Variants in GLS2 observed in about 807,000 individuals in gnomAD.
GLS2 encodes glutaminase 2.
Under a neutral mutation model 79.0 loss-of-function variants are expected in GLS2, and 52 were observed. That is an observed-to-expected ratio of 0.66 (90% CI 0.53 to 0.83). The LOEUF (loss-of-function observed/expected upper bound fraction) is 0.83, where lower values mean the gene tolerates loss of function less well. Ranked by LOEUF, GLS2 falls within the 40% of genes least tolerant of loss-of-function variation. The probability of loss-of-function intolerance (pLI) is 0.00; values close to 1 mark genes in which losing one functional copy is unlikely to be tolerated. For missense variants in GLS2, 561 were observed against 764.8 expected (o/e 0.73, Z 3.14); for synonymous variants, 238 against 280.8 (o/e 0.85, Z 1.52).
At position 56,474,608 on chromosome 12, in the gene GLS2, C is replaced by T. The variant is rs778954931; in HGVS notation, c.1160G>A (p.Arg387His). The T allele has an allele frequency of 5.0e-6, 8 of 1,614,160 alleles. No individual in the cohort carries two copies. Among genetic ancestry groups the T allele is most frequent in the South Asian group, 3.3e-5 (3 of 91,086 alleles). Residue 387 changes from arginine to histidine, a missense_variant, in exon 12 of 18, where the codon CGC becomes CAC. Arg to His is a conservative substitution (Grantham distance 29). Around this residue, in one of 4 missense-constraint regions of GLS2, gnomAD observed 221 missense variants for 275.6 expected, o/e 0.80. Transcript: ENST00000311966. ...GGAATGCATGAGGCTGAGGGTGTTG[C>T]GCACTGCTTCAGCACTCAGCACACT... is the stretch of plus-strand genomic sequence containing the variant. ...GESVLSAEAV[R>H]NTLSLMHSCG...
intron 3 of GLS2, 151 bp downstream of exon 3, chr12:56,479,629 T>TA: frequency 1.1e-6 from 1 of 908,604 alleles, no homozygotes; most frequent in Middle Eastern, 3.6e-4. Flanking sequence ...TTTGAACTCT[T>TA]ATGATGAGTA....
At chr12:56,473,436 G>C in intron 13 of GLS2, 27 bp downstream of exon 13, 1 of 1,605,462 alleles carries the variant, frequency 6.2e-7, no homozygotes, top group Non-Finnish European at 8.5e-7. Context: ...TTCAAAAATA[G>C]TAAGTACTAT....
At chr12:56,483,247 A>C (rs1187036020) in intron 1 of GLS2, among the ~76,000 whole-genome samples, 1 of 150,456 alleles carries the variant, frequency 6.6e-6, no homozygotes, top group Non-Finnish European at 1.5e-5. Context: ...CGCCCAGCTA[A>C]TTTTTGTATT....
intron 1 of GLS2, among the ~76,000 whole-genome samples, chr12:56,480,705 G>A (rs960937406): frequency 2.0e-5 from 3 of 151,958 alleles, no homozygotes; most frequent in African/African-American, 7.3e-5. Flanking sequence ...TTCTCCTCTT[G>A]TTTCCCACCT....
At chr12:56,472,087 CCCT>C in intron 16 of GLS2, 29 bp downstream of exon 16, 6 of 1,606,494 alleles carry the variant, frequency 3.7e-6, no homozygotes, top group Non-Finnish European at 5.1e-6. Context: ...CTTATGATTA[CCCT>C]CCTCCTCCCC....
At position 56,471,436 on chromosome 12, in the gene GLS2, G is replaced by A; in HGVS notation, c.*51C>T. The A allele has an allele frequency of 6.4e-7, 1 of 1,557,082 alleles. No individual in the cohort carries two copies. The highest frequency in any genetic ancestry group is 8.7e-7 in the Non-Finnish European group (1 of 1,150,162). ...TATTTTTGGTGGTTATGGATTACATGTGTGGCCAGCTCATGCTTTTTCTTG... is the reference window on the plus strand; with the variant it reads ...TATTTTTGGTGGTTATGGATTACATATGTGGCCAGCTCATGCTTTTTCTTG... On this transcript the variant is annotated 3_prime_UTR_variant, in exon 18 of 18. Transcript: ENST00000311966.
intron 1 of GLS2, among the ~76,000 whole-genome samples, chr12:56,485,020 T>C (rs1870573200): frequency 6.6e-6 from 1 of 152,160 alleles, no homozygotes; most frequent in African/African-American, 2.4e-5. Context: ...AGACTGGTTA[T>C]ATAAACTATG....
At chr12:56,484,044 G>A (rs1870501441) in intron 1 of GLS2, among the ~76,000 whole-genome samples, 2 of 152,108 alleles carry the variant, frequency 1.3e-5, no homozygotes, top group Non-Finnish European at 2.9e-5. Context: ...GCCTAAGGTG[G>A]GCGGATCATG....
rs539551301 is a variant in GLS2 at position 56,479,507 on chromosome 12, A to C, written c.404+273T>G. On this transcript the variant is annotated intron_variant, in intron 3 of 17. Transcript: ENST00000311966. The stretch of plus-strand genomic sequence containing the variant: ...TTATATATATTCATGTATGTATGTC[A>C]GTACATAGGACATTATCTAGAAGAT... The C allele has an allele frequency of 8.9e-5, 36 of 403,072 alleles. No individual in the cohort carries two copies. The East Asian group carries it at 1.5e-3, about 17-fold the overall frequency. 25.0% of individuals were successfully genotyped at this position (403,072 alleles called of 1,614,324 possible).
At position 56,477,918 on chromosome 12, in the gene GLS2, C is replaced by T; in HGVS notation, c.778+15G>A. 1 of 1,609,402 alleles carries T rather than the reference C, an allele frequency of 6.2e-7. No homozygotes were observed. Among genetic ancestry groups the T allele is most frequent in the Non-Finnish European group, 8.5e-7 (1 of 1,177,426 alleles). ...GGACAGCTGTAAGTACGGTCTGAGC[C>T]TTGGTAGTGCTCACCTTCCTCATTG... On this transcript the variant is annotated intron_variant, in intron 6 of 17. Transcript: ENST00000311966.
chr12:56,477,901 G>A lies in GLS2; in HGVS notation c.778+32C>T. 3.1e-6 allele frequency: 5 copies of A among 1,600,834 alleles called. No individual in the cohort carries two copies. The East Asian group carries it at 6.7e-5, about 21-fold the overall frequency. ...TGGGGATAAGGAGAAGGGGACAGCT[G>A]TAAGTACGGTCTGAGCCTTGGTAGT... is the stretch of plus-strand genomic sequence containing the variant. On this transcript the variant is annotated intron_variant, in intron 6 of 17. Transcript: ENST00000311966.
At position 56,471,305 on chromosome 12, in the gene GLS2, A is replaced by G. The variant is rs1869237559; in HGVS notation, c.*182T>C. On this transcript the variant is annotated 3_prime_UTR_variant, in exon 18 of 18. Coordinates refer to ENST00000311966, the MANE Select transcript of GLS2 (RefSeq NM_013267.4). ...GGTGTCCTCTGAGGCCCTTCTCTGTACTCTGTCTGCTGAGGGAATGGGGTA... is the reference window on the plus strand; with the variant it reads ...GGTGTCCTCTGAGGCCCTTCTCTGTGCTCTGTCTGCTGAGGGAATGGGGTA... The G allele has an allele frequency of 1.6e-6, 1 of 630,552 alleles. No individual in the cohort carries two copies. 39.1% of individuals were successfully genotyped at this position (630,552 alleles called of 1,614,324 possible).
intron 12 of GLS2, chr12:56,474,251 G>A (rs1030209832): frequency 7.3e-5 from 27 of 372,250 alleles, no homozygotes; most frequent in Middle Eastern, 8.6e-4. Flanking sequence ...CACCACCCCC[G>A]GCTAATTTTT....
chr12:56,483,868 TTTTTC>T (rs2136194965), intron 1 of GLS2, among the ~76,000 whole-genome samples: 2 of 152,336 alleles, frequency 1.3e-5, no homozygotes, highest in African/African-American at 4.8e-5. Context: ...TTTTTTCTTT[TTTTTC>T]TTATATCAGT....
At chr12:56,474,812 C>T (rs369037405) in intron 11 of GLS2, 34 bp downstream of exon 11, 17 of 1,612,976 alleles carry the variant, frequency 1.1e-5, no homozygotes, top group African/African-American at 2.7e-5. Flanking sequence ...GACAGTCTGT[C>T]CTGTTCCCTC....
chr12:56,483,668 ACTC>A, intron 1 of GLS2, among the ~76,000 whole-genome samples: 1 of 150,684 alleles, frequency 6.6e-6, no homozygotes, highest in South Asian at 2.1e-4. Context: ...CTGGCCTTGA[ACTC>A]CTGGGCTCAA....
At chr12:56,473,653 C>CT in intron 12 of GLS2, 59 bp from the exon 13 acceptor site, 1 of 1,558,714 alleles carries the variant, frequency 6.4e-7, no homozygotes, top group East Asian at 2.3e-5. Context: ...AGAAAATAAA[C>CT]AAGTTAGGCT....
At chr12:56,481,199 C>CTTTTTTTTTTTTTT (rs767616017) in intron 1 of GLS2, among the ~76,000 whole-genome samples, 4 of 78,988 alleles carry the variant, frequency 5.1e-5, no homozygotes, top group Non-Finnish European at 6.9e-5. Flanking sequence ...TGCCAGTGAT[C>CTTTTTTTTTTTTTT]TTTTTTTTTT....
intron 12 of GLS2, 114 bp downstream of exon 12, chr12:56,474,430 G>T: frequency 7.5e-7 from 1 of 1,328,672 alleles, no homozygotes; most frequent in Non-Finnish European, 1.0e-6. Context: ...TGCCTTCCTG[G>T]AAGTTAGTGA....
Sources: allele counts gnomAD v4.1 joint callset (sites outside exome capture counted in the v4.1 genomes callset), GRCh38; gene constraint gnomAD v4.1.1; regional missense constraint gnomAD v4.1.1; transcripts MANE v1.5; gene names NCBI Gene and HGNC (gene_info 2026-07-23, HGNC 2026-07-21).